The following LINC00632 variants were observed in gnomAD, a reference collection of about 807,000 sequenced individuals.
The protein encoded by LINC00632 is long independently transcribed non-coding RNA 632.
exon 5 of LINC00632, among the ~76,000 whole-genome samples, chrX:140,775,862 G>A (rs1374448349): frequency 9.0e-6 from 1 of 110,732 alleles, no homozygotes; most frequent in Non-Finnish European, 1.9e-5. Context: ...AATTTGGCAT[G>A]AGGGAGTCCA....
intron 2 of LINC00632, among the ~76,000 whole-genome samples, chrX:140,719,647 G>T (rs748308654): frequency 1.8e-5 from 2 of 109,803 alleles, no homozygotes; most frequent in South Asian, 4.1e-4. Flanking sequence ...GCTTCTTCCT[G>T]CCACGACTTC....
intron 3 of LINC00632, among the ~76,000 whole-genome samples, chrX:140,734,759 C>CTT (rs145614025): frequency 1.9e-4 from 14 of 75,296 alleles, no homozygotes; most frequent in South Asian, 6.0e-4. Flanking sequence ...GGAAATACAT[C>CTT]TTTTTTTTTT....
At chrX:140,743,815 C>T (rs188473241) in intron 3 of LINC00632, among the ~76,000 whole-genome samples, 4 of 111,303 alleles carry the variant, frequency 3.6e-5, no homozygotes, top group Non-Finnish European at 7.5e-5. Context: ...GAGGCTTTCC[C>T]TCCACCTCCT....
intron 3 of LINC00632, among the ~76,000 whole-genome samples, chrX:140,754,845 T>A (rs1434931273): frequency 9.0e-6 from 1 of 110,537 alleles, no homozygotes; most frequent in Non-Finnish European, 1.9e-5. Context: ...TAGGCTGTTT[T>A]TTTTTTAGCC....
intron 2 of LINC00632, among the ~76,000 whole-genome samples, chrX:140,717,261 G>T (rs1182694600): frequency 9.0e-6 from 1 of 110,574 alleles, no homozygotes. Flanking sequence ...GATAACAGGC[G>T]TGAGCGACCG....
chrX:140,760,009 C>T lies in LINC00632; in HGVS notation n.192-12069C>T, dbSNP rs989707931. ...ACATACACAGGAAAATGAGACTATACTAGGCTGGTAATACAAAGACAAAAC... is the reference window on the plus strand; with the variant it reads ...ACATACACAGGAAAATGAGACTATATTAGGCTGGTAATACAAAGACAAAAC... On this transcript the variant is annotated intron_variant and non_coding_transcript_variant, in intron 3 of 4. Coordinates refer to ENST00000648200, the Ensembl canonical transcript of LINC00632. 8.0e-5 allele frequency among the ~76,000 whole-genome samples: 9 copies of T among 111,904 alleles called. No homozygotes were observed. The Admixed American group carries it at 8.5e-4, about 11-fold the overall frequency.
At chrX:140,729,135 C>T (rs1412824823) in intron 2 of LINC00632, among the ~76,000 whole-genome samples, 1 of 110,972 alleles carries the variant, frequency 9.0e-6, no homozygotes, top group East Asian at 2.8e-4. Context: ...ATAATGCAGG[C>T]TGACCTTGTA....
intron 2 of LINC00632, among the ~76,000 whole-genome samples, chrX:140,725,013 C>CG (rs1930912562): frequency 5.7e-4 from 1 of 1,747 alleles, no homozygotes; most frequent in African/African-American, 1.7e-3. Flanking sequence ...CACACACATT[C>CG]ATACACACAC....
At chrX:140,765,237 TC>T (rs1931668430) in intron 3 of LINC00632, among the ~76,000 whole-genome samples, 1 of 110,971 alleles carries the variant, frequency 9.0e-6, no homozygotes, top group Non-Finnish European at 1.9e-5. Context: ...GTATACGCCT[TC>T]CTGGTTGTGT....
intron 2 of LINC00632, among the ~76,000 whole-genome samples, chrX:140,727,667 G>A (rs1199187526): frequency 1.8e-5 from 2 of 111,363 alleles, no homozygotes; most frequent in African/African-American, 6.5e-5. Context: ...CAATATTACC[G>A]TAACACCTAA....
At chrX:140,717,132 G>A (rs1172641928) in intron 2 of LINC00632, among the ~76,000 whole-genome samples, 2 of 109,743 alleles carry the variant, frequency 1.8e-5, no homozygotes, top group Non-Finnish European at 1.9e-5. Context: ...ATACAGGCGC[G>A]TCCATGCCTG....
At chrX:140,718,412 CT>C (rs569513861) in intron 2 of LINC00632, among the ~76,000 whole-genome samples, 10,934 of 95,426 alleles carry the variant, frequency 0.11, 793 homozygotes, top group African/African-American at 0.27. Flanking sequence ...TGCACCTATT[CT>C]TTTTTTTTTT....
intron 3 of LINC00632, among the ~76,000 whole-genome samples, chrX:140,739,449 G>T (rs754424996): frequency 5.0e-4 from 55 of 110,645 alleles, no homozygotes; most frequent in African/African-American, 1.8e-3. Context: ...TCGAATTCCT[G>T]ACCTCAGGTG....
intron 3 of LINC00632, among the ~76,000 whole-genome samples, chrX:140,737,687 T>C (rs1569351149): frequency 8.9e-6 from 1 of 111,896 alleles, no homozygotes; most frequent in Non-Finnish European, 1.9e-5. Flanking sequence ...AGATCAACTT[T>C]TTTAGCTCCC....
chrX:140,732,605 A>C (rs982021877), intron 2 of LINC00632, among the ~76,000 whole-genome samples: 1 of 111,812 alleles, frequency 8.9e-6, no homozygotes, highest in East Asian at 2.8e-4. Flanking sequence ...ACACGTATAC[A>C]TGTGCCAGTG....
intron 3 of LINC00632, among the ~76,000 whole-genome samples, chrX:140,759,138 A>ATT (rs746349679): frequency 7.5e-4 from 64 of 84,914 alleles, no homozygotes; most frequent in African/African-American, 2.6e-3. Flanking sequence ...TTAATTTTGT[A>ATT]TTTTTTTTTT....
intron 2 of LINC00632, among the ~76,000 whole-genome samples, chrX:140,725,656 G>A (rs1437658297): frequency 8.9e-6 from 1 of 111,872 alleles, no homozygotes; most frequent in South Asian, 3.7e-4. Context: ...ACACTACCCA[G>A]ACATACCCAT....
At chrX:140,777,877 T>A (rs1268395628) in exon 5 of LINC00632, among the ~76,000 whole-genome samples, 1 of 112,185 alleles carries the variant, frequency 8.9e-6, no homozygotes, top group Non-Finnish European at 1.9e-5. Context: ...ATATCTAAAC[T>A]TTTTCATAGA....
At chrX:140,727,448 C>A (rs953304028) in intron 2 of LINC00632, among the ~76,000 whole-genome samples, 5 of 111,189 alleles carry the variant, frequency 4.5e-5, no homozygotes, top group Non-Finnish European at 9.4e-5. Flanking sequence ...CCCGCCACTA[C>A]GCCTGGCTAA....
Sources: gnomAD v4.1 joint callset for allele counts (sites outside exome capture counted in the v4.1 genomes callset) on GRCh38, gnomAD v4.1.1 for gene constraint, MANE v1.5 for transcripts, NCBI Gene and HGNC (gene_info 2026-07-23, HGNC 2026-07-21) for gene names.